The following IL1RAPL2 variants were observed in gnomAD, a reference collection of about 807,000 sequenced individuals.
The protein encoded by IL1RAPL2 is X-linked interleukin-1 receptor accessory protein-like 2.
A neutral mutation model predicts 44.1 loss-of-function variants in IL1RAPL2; 3 were observed. The ratio of observed to expected loss-of-function variants is 0.07; its 90% CI spans 0.03 to 0.18. The LOEUF (loss-of-function observed/expected upper bound fraction) is 0.18, where lower values mean the gene tolerates loss of function less well. IL1RAPL2 is among the 10% of genes least tolerant of loss of function. IL1RAPL2 has a pLI of 1.00. For synonymous variants in IL1RAPL2, 181 were observed against 178.8 expected (o/e 1.01, Z -0.10); for missense variants, 391 against 496.4 (o/e 0.79, Z 2.02).
chrX:105,343,866 A>G (rs368701020), intron 5 of IL1RAPL2, among the ~76,000 whole-genome samples: 6 of 106,714 alleles, frequency 5.6e-5, no homozygotes, highest in African/African-American at 2.1e-4. Context: ...ACTTTTCGTT[A>G]TTGTCAAAGT....
Position 104,798,333 on chromosome X carries a change from C to T in IL1RAPL2, c.82+139338C>T, listed in dbSNP as rs1188932767. ...AACAGCTGGTTCAATTTAAAGTGCC[C>T]TAAGGATCACAAGCATGGTCCTGTT... On this transcript the variant is annotated intron_variant, in intron 2 of 10. Transcript: ENST00000372582. Among the ~76,000 whole-genome samples the T allele has an allele frequency of 3.6e-5, 4 of 109,860 alleles. No homozygotes were observed. The Admixed American group carries it at 3.9e-4, about 11-fold the overall frequency.
intron 5 of IL1RAPL2, among the ~76,000 whole-genome samples, chrX:105,309,615 C>T (rs2034780011): frequency 9.2e-6 from 1 of 108,543 alleles, no homozygotes; most frequent in Admixed American, 9.9e-5. Flanking sequence ...GCCTGTAATC[C>T]CAGCTACTCG....
At chrX:104,623,556 C>T (rs1008178765) in intron 1 of IL1RAPL2, among the ~76,000 whole-genome samples, 2 of 111,035 alleles carry the variant, frequency 1.8e-5, no homozygotes, top group Admixed American at 1.9e-4. Context: ...GTCCCTCTCC[C>T]CTTGGAGAGT....
At chrX:105,080,892 T>G (rs2147547854) in intron 2 of IL1RAPL2, among the ~76,000 whole-genome samples, 1 of 111,881 alleles carries the variant, frequency 8.9e-6, no homozygotes, top group African/African-American at 3.2e-5. Context: ...TCTTATTTCC[T>G]TGAGCAGTTG....
At chrX:105,152,742 A>G (rs1432029900) in intron 2 of IL1RAPL2, among the ~76,000 whole-genome samples, 2 of 112,204 alleles carry the variant, frequency 1.8e-5, no homozygotes, top group South Asian at 3.7e-4. Flanking sequence ...CATAGTGGGT[A>G]TATATAACAC....
At chrX:104,770,215 T>C (rs1175261278) in intron 2 of IL1RAPL2, among the ~76,000 whole-genome samples, 1 of 111,346 alleles carries the variant, frequency 9.0e-6, no homozygotes, top group African/African-American at 3.3e-5. Flanking sequence ...AGCCCTTTTT[T>C]CCACATTCCA....
intron 5 of IL1RAPL2, among the ~76,000 whole-genome samples, chrX:105,465,771 G>A (rs1459377940): frequency 9.0e-6 from 1 of 111,449 alleles, no homozygotes; most frequent in Non-Finnish European, 1.9e-5. Flanking sequence ...ATTTTAGAGT[G>A]GGAAAATTAA....
chrX:104,674,326 C>T (rs1930691540), intron 2 of IL1RAPL2, among the ~76,000 whole-genome samples: 1 of 111,688 alleles, frequency 9.0e-6, no homozygotes, highest in Non-Finnish European at 1.9e-5. Flanking sequence ...TGAATTTTGT[C>T]AAAGGCTTTT....
intron 5 of IL1RAPL2, among the ~76,000 whole-genome samples, chrX:105,377,838 A>G (rs1003599100): frequency 5.4e-5 from 6 of 111,672 alleles, no homozygotes; most frequent in African/African-American, 1.9e-4. Flanking sequence ...AGAATACCAC[A>G]CTTGGAAAAT....
intron 2 of IL1RAPL2, among the ~76,000 whole-genome samples, chrX:104,855,011 G>T (rs1922319876): frequency 8.9e-6 from 1 of 112,162 alleles, no homozygotes; most frequent in Non-Finnish European, 1.9e-5. Context: ...TCAGTGGAAA[G>T]TCATCACATC....
intron 2 of IL1RAPL2, among the ~76,000 whole-genome samples, chrX:104,742,982 C>G (rs776569613): frequency 4.5e-5 from 5 of 111,941 alleles, no homozygotes; most frequent in Non-Finnish European, 1.9e-5. Context: ...CTGAATACAG[C>G]TGACCTGCTT....
intron 2 of IL1RAPL2, among the ~76,000 whole-genome samples, chrX:104,715,600 C>T (rs1351154033): frequency 1.9e-5 from 2 of 107,044 alleles, no homozygotes; most frequent in Non-Finnish European, 3.9e-5. Context: ...AATCATTGTG[C>T]AAAAATCACT....
chrX:105,026,847 T>G (rs966182995), intron 2 of IL1RAPL2, among the ~76,000 whole-genome samples: 1 of 82,746 alleles, frequency 1.2e-5, no homozygotes. Context: ...ATCCTAAAAT[T>G]TATATGGAAC....
chrX:104,977,389 G>T (rs888433398), intron 2 of IL1RAPL2, among the ~76,000 whole-genome samples: 32 of 112,166 alleles, frequency 2.9e-4, no homozygotes, highest in African/African-American at 9.1e-4. Context: ...TTAGTGTTAT[G>T]GCTTTGCGGT....
At chrX:104,975,231 TG>T (rs1443288357) in intron 2 of IL1RAPL2, among the ~76,000 whole-genome samples, 1 of 111,082 alleles carries the variant, frequency 9.0e-6, no homozygotes, top group Non-Finnish European at 1.9e-5. Context: ...CTGGGGAGTT[TG>T]GGTCTGCATT....
At chrX:104,715,882 T>C (rs1931555396) in intron 2 of IL1RAPL2, among the ~76,000 whole-genome samples, 1 of 110,841 alleles carries the variant, frequency 9.0e-6, no homozygotes, top group African/African-American at 3.3e-5. Context: ...ATAGATTCAA[T>C]GCTATGCCTA....
intron 1 of IL1RAPL2, among the ~76,000 whole-genome samples, chrX:104,653,241 C>T: frequency 8.9e-6 from 1 of 111,787 alleles, no homozygotes; most frequent in South Asian, 3.7e-4. Context: ...TCATCTTGCC[C>T]CATGTTGCAA....
intron 2 of IL1RAPL2, among the ~76,000 whole-genome samples, chrX:104,750,302 G>A (rs1932237600): frequency 9.0e-6 from 1 of 111,312 alleles, no homozygotes; most frequent in South Asian, 3.7e-4. Flanking sequence ...AAGCCAAAGG[G>A]CAGTTGGAGG....
intron 5 of IL1RAPL2, among the ~76,000 whole-genome samples, chrX:105,385,951 T>C (rs1042344722): frequency 9.0e-6 from 1 of 111,646 alleles, no homozygotes; most frequent in African/African-American, 3.3e-5. Flanking sequence ...TCCAGTAATA[T>C]TATTATTGAA....
Sources: gnomAD v4.1 joint callset for allele counts (sites outside exome capture counted in the v4.1 genomes callset) on GRCh38, gnomAD v4.1.1 for gene constraint, MANE v1.5 for transcripts, NCBI Gene and HGNC (gene_info 2026-07-23, HGNC 2026-07-21) for gene names.